The following ULK4 variants were observed in gnomAD, a reference collection of about 807,000 sequenced individuals.
ULK4 encodes inactive serine/threonine-protein kinase ULK4.
ULK4 carries 133 observed loss-of-function variants against 160.6 expected under a neutral mutation model. The observed-to-expected ratio is 0.83, with a 90% CI of 0.72 to 0.96. The LOEUF (loss-of-function observed/expected upper bound fraction) is 0.96. ULK4 is among the 40% of genes least tolerant of loss of function. The pLI is 0.00. For synonymous variants in ULK4, 534 were observed against 539.8 expected, an observed-to-expected ratio of 0.99 and a Z score of 0.15; for missense variants, 1,580 against 1,499.5, an observed-to-expected ratio of 1.05 and a Z score of -0.89.
At chr3:41,801,683 G>A (rs2040463698) in intron 19 of ULK4, among the ~76,000 whole-genome samples, 3 of 151,780 alleles carry the variant, frequency 2.0e-5, no homozygotes, top group Admixed American at 2.0e-4. Context: ...GACCTTTTCT[G>A]TACAAAAAGT....
chr3:41,636,388 A>G (rs1004058333), intron 30 of ULK4, among the ~76,000 whole-genome samples: 2 of 152,044 alleles, frequency 1.3e-5, no homozygotes, highest in African/African-American at 2.4e-5. Context: ...TACAAAAATT[A>G]GGTGGTATGG....
chr3:41,438,015 G>A (rs1374091774), intron 34 of ULK4, among the ~76,000 whole-genome samples: 1 of 151,400 alleles, frequency 6.6e-6, no homozygotes, highest in Non-Finnish European at 1.5e-5. Flanking sequence ...ACTCTGGAGA[G>A]CTGAAAGTCA....
chr3:41,899,004 A>G (rs1698261340), intron 13 of ULK4: 1 of 153,546 alleles, frequency 6.5e-6, no homozygotes, highest in Non-Finnish European at 1.4e-5. Context: ...TTTTTTTGTA[A>G]ATAGTAGTTT....
intron 31 of ULK4, among the ~76,000 whole-genome samples, chr3:41,569,157 C>T (rs1420710003): frequency 2.6e-5 from 4 of 152,138 alleles, no homozygotes; most frequent in African/African-American, 4.8e-5. Flanking sequence ...CTCTGAACTT[C>T]GGGGTTCTGT....
chr3:41,614,049 A>G (rs2032834838), intron 31 of ULK4, among the ~76,000 whole-genome samples: 1 of 152,264 alleles, frequency 6.6e-6, no homozygotes. Context: ...TTGGGTGCTC[A>G]GTATACAGAG....
At chr3:41,906,033 C>A (rs1159136803) in intron 12 of ULK4, among the ~76,000 whole-genome samples, 1 of 151,640 alleles carries the variant, frequency 6.6e-6, no homozygotes, top group African/African-American at 2.4e-5. Flanking sequence ...CTGGCTAACA[C>A]GGTGAAACCC....
chr3:41,485,383 T>C (rs1296487464), intron 32 of ULK4, among the ~76,000 whole-genome samples: 1 of 152,176 alleles, frequency 6.6e-6, no homozygotes, highest in Non-Finnish European at 1.5e-5. Context: ...ATGCTTCCCA[T>C]AGGAAGTTGA....
chr3:41,284,078 C>T (rs989897804), intron 35 of ULK4, among the ~76,000 whole-genome samples: 1 of 152,068 alleles, frequency 6.6e-6, no homozygotes, highest in Non-Finnish European at 1.5e-5. Flanking sequence ...TCATAGATGA[C>T]ACAAACAAAT....
At chr3:41,852,799 T>A (rs1031730026) in intron 17 of ULK4, among the ~76,000 whole-genome samples, 8 of 152,100 alleles carry the variant, frequency 5.3e-5, no homozygotes, top group African/African-American at 1.9e-4. Context: ...CATAGTGTAG[T>A]ATCAAATAGG....
intron 17 of ULK4, among the ~76,000 whole-genome samples, chr3:41,849,658 A>G (rs1257675208): frequency 6.6e-6 from 1 of 152,138 alleles, no homozygotes; most frequent in African/African-American, 2.4e-5. Flanking sequence ...GGGTGACAAT[A>G]ATGTGTCAAT....
chr3:41,354,074 G>A (rs1451632496), intron 35 of ULK4, among the ~76,000 whole-genome samples: 6 of 152,132 alleles, frequency 3.9e-5, no homozygotes, highest in Admixed American at 3.9e-4. Context: ...GGCTGAGAAG[G>A]CACCACTGCC....
intron 32 of ULK4, among the ~76,000 whole-genome samples, chr3:41,544,170 C>A (rs1684801632): frequency 6.8e-6 from 1 of 146,448 alleles, no homozygotes; most frequent in Non-Finnish European, 1.5e-5. Context: ...TCAGACCCTC[C>A]CACTGAGGAT....
chr3:41,249,493 T>A lies in ULK4; in HGVS notation c.3760A>T (p.Ser1254Cys), dbSNP rs1424692766. The A allele has an allele frequency of 4.3e-6, 7 of 1,613,376 alleles. No homozygotes were observed. The highest frequency in any genetic ancestry group is 2.2e-5 in the East Asian group (1 of 44,838). Reference sequence around the variant, plus strand: ...ATCCTCCTGGGTCCCACTTACCCACTCCCAGGGGCCAGCCGCTCCAGAGCC... The same window carrying A: ...ATCCTCCTGGGTCCCACTTACCCACACCCAGGGGCCAGCCGCTCCAGAGCC... Reference protein sequence around the residue: ...LRALERLAPGSGSFADSAVAP... With the variant: ...LRALERLAPGCGSFADSAVAP... Residue 1254 changes from serine to cysteine, a missense_variant, in exon 36 of 37, where the codon AGT (serine) becomes TGT (cysteine). Ser to Cys is a moderately radical substitution (Grantham distance 112, BLOSUM62 -1). Coordinates refer to ENST00000301831, the MANE Select transcript of ULK4 (RefSeq NM_017886.4).
At chr3:41,840,254 C>T (rs1258614299) in intron 17 of ULK4, among the ~76,000 whole-genome samples, 1 of 152,146 alleles carries the variant, frequency 6.6e-6, no homozygotes, top group Non-Finnish European at 1.5e-5. Flanking sequence ...CAAAGCAAGA[C>T]CCTGTCTCTA....
intron 3 of ULK4, among the ~76,000 whole-genome samples, chr3:41,936,809 G>T (rs925025598): frequency 6.6e-6 from 1 of 152,218 alleles, no homozygotes; most frequent in Non-Finnish European, 1.5e-5. Flanking sequence ...GATGGTTAAT[G>T]GGTACAAATA....
chr3:41,379,550 G>T (rs1050711435), intron 35 of ULK4, among the ~76,000 whole-genome samples: 1 of 152,104 alleles, frequency 6.6e-6, no homozygotes, highest in Admixed American at 6.5e-5. Context: ...GCCATCACTG[G>T]GATACCGGTC....
In ULK4 at chr3:41,668,818, T is replaced by C. The variant is rs749997694; in HGVS notation, c.2979-5119A>G. 6.6e-5 allele frequency among the ~76,000 whole-genome samples: 10 copies of C among 152,208 alleles called. No individual in the cohort carries two copies. In the South Asian group the frequency reaches 1.2e-3, roughly 19 times the overall value. On this transcript the variant is annotated intron_variant, in intron 29 of 36. Coordinates refer to ENST00000301831, the MANE Select transcript of ULK4 (RefSeq NM_017886.4). ...TATTAGAATACCAAAAATGAGTAAA[T>C]TGTTGGGTAAGAAGGCCTCTTTAGC...
chr3:41,463,007 G>A (rs1476681122), intron 33 of ULK4, 80 bp downstream of exon 33: 2 of 1,472,626 alleles, frequency 1.4e-6, no homozygotes, highest in Non-Finnish European at 1.8e-6. Context: ...CACAATAGAG[G>A]AAGATAAGAA....
chr3:41,666,869 G>A (rs943044801), intron 29 of ULK4, among the ~76,000 whole-genome samples: 2 of 152,050 alleles, frequency 1.3e-5, no homozygotes, highest in Admixed American at 6.6e-5. Context: ...ATTGGCCAGG[G>A]ATAGTGGCTC....
Sources: gnomAD v4.1 joint callset for allele counts (sites outside exome capture counted in the v4.1 genomes callset) on GRCh38, gnomAD v4.1.1 for gene constraint, MANE v1.5 for transcripts, NCBI Gene and HGNC (gene_info 2026-07-23, HGNC 2026-07-21) for gene names.